RGS12: variants seen among roughly 807,000 people sequenced by gnomAD.
RGS12 encodes the protein regulator of G-protein signaling 12.
RGS12 carries 66 observed loss-of-function variants against 120.1 expected under a neutral mutation model. That is an observed-to-expected ratio of 0.55 (90% CI 0.45 to 0.67). The LOEUF is 0.67. Ranked by LOEUF, RGS12 falls within the 30% of genes least tolerant of loss-of-function variation. The probability of loss-of-function intolerance (pLI) is 0.00; values close to 1 mark genes in which losing one functional copy is unlikely to be tolerated. For synonymous variants in RGS12, 827 were observed against 804.7 expected (o/e 1.03, Z -0.47); for missense variants, 1,859 against 1,957.7 (o/e 0.95, Z 0.95).
chr4:3,411,680 C>A (rs1721747795), intron 4 of RGS12, among the ~76,000 whole-genome samples: 1 of 152,248 alleles, frequency 6.6e-6, no homozygotes, highest in African/African-American at 2.4e-5. Context: ...CTCCAAGGAC[C>A]CCTGCCCCAG....
intron 3 of RGS12, among the ~76,000 whole-genome samples, chr4:3,369,033 C>T (rs948229167): frequency 1.1e-4 from 16 of 152,106 alleles, no homozygotes; most frequent in Non-Finnish European, 2.2e-4. Context: ...GACCGGGGGT[C>T]CCGGTAGCTT....
chr4:3,427,236 G>A (rs1172505991), intron 14 of RGS12, among the ~76,000 whole-genome samples: 1 of 152,252 alleles, frequency 6.6e-6, no homozygotes, highest in African/African-American at 2.4e-5. Context: ...CTGACCCTCT[G>A]TGCCCAGGGC....
chr4:3,300,702 A>G lies in RGS12; in HGVS notation c.-102+7603A>G, dbSNP rs968134562. On this transcript the variant is annotated intron_variant, in intron 1 of 17. Coordinates refer to ENST00000336727, the MANE Select transcript of RGS12 (RefSeq NM_001394154.1). Reference sequence around the variant, plus strand: ...CCGGCATTGCTAGGCTTGTGTTTGCATTGCTCCAGTCCCTGCCTCTGTCCC... The same window carrying G: ...CCGGCATTGCTAGGCTTGTGTTTGCGTTGCTCCAGTCCCTGCCTCTGTCCC... Among the ~76,000 whole-genome samples the G allele has an allele frequency of 5.3e-5, 8 of 152,024 alleles. No individual in the cohort carries two copies. In the South Asian group the frequency reaches 6.2e-4, roughly 12 times the overall value.
intron 3 of RGS12, 143 bp from the exon 4 acceptor site, chr4:3,386,273 G>C: frequency 1.3e-6 from 1 of 768,500 alleles, no homozygotes. Flanking sequence ...GGGCCGTCTG[G>C]CTTTCCCGGG....
At chr4:3,300,933 G>A (rs754075783) in intron 1 of RGS12, among the ~76,000 whole-genome samples, 3 of 152,214 alleles carry the variant, frequency 2.0e-5, no homozygotes, top group African/African-American at 4.8e-5. Context: ...TGGGGCTGCC[G>A]TTTGCCCCAC....
intron 1 of RGS12, among the ~76,000 whole-genome samples, chr4:3,310,025 G>T (rs1342511997): frequency 6.7e-6 from 1 of 149,456 alleles, no homozygotes; most frequent in East Asian, 2.0e-4. Flanking sequence ...GGAGGAGCTG[G>T]GACCCGGGAA....
chr4:3,322,622 G>A (rs563315038), intron 2 of RGS12, among the ~76,000 whole-genome samples: 1 of 152,232 alleles, frequency 6.6e-6, no homozygotes, highest in African/African-American at 2.4e-5. Context: ...ACCTGGTTAA[G>A]TAGCAGCACC....
chr4:3,424,475 C>A (rs1428710408), intron 13 of RGS12, among the ~76,000 whole-genome samples: 1 of 152,250 alleles, frequency 6.6e-6, no homozygotes, highest in African/African-American at 2.4e-5. Flanking sequence ...GGAGACAGAC[C>A]TGGCCTGGCT....
chr4:3,302,656 G>A (rs1723748386), intron 1 of RGS12, among the ~76,000 whole-genome samples: 1 of 152,244 alleles, frequency 6.6e-6, no homozygotes, highest in Admixed American at 6.5e-5. Context: ...AGGCTGTGGG[G>A]TGACGTCTCT....
rs866636597 is a variant in RGS12, at chr4:3,414,159, G to A, written c.2108G>A (p.Arg703His). 13 of 1,558,516 alleles carry A rather than the reference G, an allele frequency of 8.3e-6. No individual in the cohort carries two copies. The highest frequency in any genetic ancestry group is 1.7e-4 in the Middle Eastern group (1 of 5,882). ...ASLPSVQSCR[R>H]LRERRVASWA... ...CTCCCCAGCGTGCAGAGCTGCCGGC[G>A]CCTGCGTGAGAGGAGGGTCGCCAGC... The change falls in exon 5 of 18, where the codon CGC becomes CAC. Residue 703 changes from arginine (R) to histidine (H), a missense_variant. Physicochemically the swap from Arg to His is conservative, Grantham distance 29 (BLOSUM62 0). Transcript: ENST00000336727.
intron 3 of RGS12, among the ~76,000 whole-genome samples, chr4:3,377,182 C>CT (rs1717794446): frequency 6.6e-6 from 1 of 152,090 alleles, no homozygotes; most frequent in Non-Finnish European, 1.5e-5. Flanking sequence ...AGCGATCCTC[C>CT]TGCCTCAGCC....
chr4:3,438,344 G>A lies in RGS12; in HGVS notation c.4115-1111G>A, dbSNP rs369014771. Among the ~76,000 whole-genome samples the A allele has an allele frequency of 6.7e-3, 1,009 of 150,048 alleles. 8 individuals are homozygous for A. The highest frequency in any genetic ancestry group is 0.024 in the African/African-American group (964 of 39,460). On this transcript the variant is annotated intron_variant, in intron 17 of 17. Coordinates refer to ENST00000336727, the MANE Select transcript of RGS12 (RefSeq NM_001394154.1). ...CCCCCGAAGCCTGCTCCTCTGGGTC[G>A]GCAACGTCACCCCCACCGCACAGAT...
intron 3 of RGS12, among the ~76,000 whole-genome samples, chr4:3,349,566 A>T (rs573043974): frequency 6.6e-6 from 1 of 152,274 alleles, no homozygotes; most frequent in South Asian, 2.1e-4. Context: ...AATAAAGAAC[A>T]CATTTTTATT....
intron 2 of RGS12, among the ~76,000 whole-genome samples, chr4:3,329,652 G>A (rs898794040): frequency 6.6e-6 from 1 of 152,198 alleles, no homozygotes; most frequent in African/African-American, 2.4e-5. Context: ...GCACTAAAGA[G>A]CAGAATTGAT....
At chr4:3,384,504 G>T (rs1417718694) in intron 3 of RGS12, among the ~76,000 whole-genome samples, 1 of 152,172 alleles carries the variant, frequency 6.6e-6, no homozygotes, top group Non-Finnish European at 1.5e-5. Flanking sequence ...ATTTATTGCG[G>T]GCATGGAAGG....
At chr4:3,370,011 G>C (rs1716800742) in intron 3 of RGS12, 1 of 1,246,998 alleles carries the variant, frequency 8.0e-7, no homozygotes, top group Admixed American at 4.0e-5. Context: ...TTCTGATTTG[G>C]TAGAGGAAAT....
At chr4:3,352,166 T>C (rs764311072) in intron 3 of RGS12, among the ~76,000 whole-genome samples, 5 of 152,212 alleles carry the variant, frequency 3.3e-5, no homozygotes, top group Non-Finnish European at 5.9e-5. Context: ...ATTGTCCTTA[T>C]ACCAGAAGGG....
intron 3 of RGS12, among the ~76,000 whole-genome samples, chr4:3,364,598 G>A (rs988267503): frequency 6.6e-6 from 1 of 152,080 alleles, no homozygotes; most frequent in Non-Finnish European, 1.5e-5. Context: ...GGGAGTGCCC[G>A]ACGCTCAGAG....
chr4:3,382,540 A>G (rs1449749539), intron 3 of RGS12, among the ~76,000 whole-genome samples: 1 of 152,242 alleles, frequency 6.6e-6, no homozygotes, highest in African/African-American at 2.4e-5. Context: ...GCTGGCTTGC[A>G]TTAGTCCTGC....
Sources: gnomAD v4.1 joint callset for allele counts (sites outside exome capture counted in the v4.1 genomes callset) on GRCh38, gnomAD v4.1.1 for gene constraint, MANE v1.5 for transcripts, NCBI Gene and HGNC (gene_info 2026-07-23, HGNC 2026-07-21) for gene names.